MACF1: variants seen among roughly 807,000 people sequenced by gnomAD.
The protein encoded by MACF1 is microtubule-actin cross-linking factor 1.
In MACF1, 193 loss-of-function variants were observed where a neutral mutation model predicts 854.8. The ratio of observed to expected loss-of-function variants is 0.23; its 90% CI spans 0.20 to 0.25. MACF1 has a LOEUF of 0.25. Ranked by LOEUF, MACF1 falls within the 10% of genes least tolerant of loss-of-function variation. MACF1 has a pLI of 1.00. For missense variants in MACF1, 7,722 were observed against 8,929.1 expected, an observed-to-expected ratio of 0.86 and a Z score of 5.45; for synonymous variants, 3,185 against 3,226.7, an observed-to-expected ratio of 0.99 and a Z score of 0.44.
intron 40 of MACF1, among the ~76,000 whole-genome samples, chr1:39,343,781 A>T (rs1387622336): frequency 6.6e-6 from 1 of 152,138 alleles, no homozygotes; most frequent in Non-Finnish European, 1.5e-5. Flanking sequence ...AGGCAGGGGG[A>T]GAGACTGAGG....
chr1:39,403,837 TGG>T (rs202180229), intron 58 of MACF1, among the ~76,000 whole-genome samples: 1 of 122,294 alleles, frequency 8.2e-6, no homozygotes, highest in East Asian at 2.4e-4. Context: ...TAAAAATTTT[TGG>T]GCGGGGGGGC....
chr1:39,447,233 C>G (rs748853542), intron 80 of MACF1, among the ~76,000 whole-genome samples, 199 bp from the exon 81 acceptor site: 3 of 152,210 alleles, frequency 2.0e-5, no homozygotes, highest in African/African-American at 4.8e-5. Flanking sequence ...GTACACAGTT[C>G]TTGCCCATTT....
At chr1:39,369,651 A>C (rs1649060268) in intron 50 of MACF1, among the ~76,000 whole-genome samples, 1 of 152,238 alleles carries the variant, frequency 6.6e-6, no homozygotes, top group Non-Finnish European at 1.5e-5. Flanking sequence ...AGCAATCAGC[A>C]CTTGAATTGG....
chr1:39,103,209 C>A (rs947503008), intron 2 of MACF1: 4 of 357,756 alleles, frequency 1.1e-5, no homozygotes, highest in Non-Finnish European at 2.2e-5. Flanking sequence ...ATTCTCACAG[C>A]GGACTCTTCC....
At chr1:39,377,900 A>C (rs1649859400) in intron 52 of MACF1, among the ~76,000 whole-genome samples, 2 of 151,944 alleles carry the variant, frequency 1.3e-5, no homozygotes, top group African/African-American at 4.8e-5. Flanking sequence ...GCTGTTTGAG[A>C]GGCTGAGATG....
At chr1:39,382,615 A>G (rs1037903825) in intron 56 of MACF1, among the ~76,000 whole-genome samples, 1 of 151,202 alleles carries the variant, frequency 6.6e-6, no homozygotes, top group Non-Finnish European at 1.5e-5. Context: ...GAGGCAGGAG[A>G]ATCATTTGAA....
chr1:39,123,448 T>C (rs1642772870), intron 2 of MACF1, among the ~76,000 whole-genome samples: 1 of 151,852 alleles, frequency 6.6e-6, no homozygotes, highest in South Asian at 2.1e-4. Context: ...CCTCAGATGA[T>C]CCACCCGCCT....
At chr1:39,369,959 T>C in intron 50 of MACF1, 71 bp from the exon 51 acceptor site, 1 of 1,395,420 alleles carries the variant, frequency 7.2e-7, no homozygotes, top group East Asian at 2.3e-5. Context: ...AGTCACAGAA[T>C]GAACTACTCT....
At position 39,385,847 on chromosome 1, in the gene MACF1, T is replaced by C. The variant is rs547318763; in HGVS notation, c.14262T>C (p.Ile4754=). 47 of 1,614,042 alleles carry C rather than the reference T, an allele frequency of 2.9e-5. 1 individual carries two copies. In the South Asian group the frequency reaches 4.7e-4, roughly 16 times the overall value. ...QTLCDELSVL[I]GEQYLKDELK... ...TGTGCGATGAACTCTCAGTGCTCAT[T>C]GGTGAGCAGTACCTCAAGGATGAAC... The change falls in exon 57 of 101, where the codon ATT becomes ATC. Residue 4754 remains isoleucine, a synonymous_variant. Transcript: ENST00000564288.
At chr1:39,088,089 CAGCCTCCTG>C (rs1641718902) in intron 2 of MACF1, among the ~76,000 whole-genome samples, 1 of 152,208 alleles carries the variant, frequency 6.6e-6, no homozygotes, top group Non-Finnish European at 1.5e-5. Context: ...TCTCCTGCCT[CAGCCTCCTG>C]AGCAGCTGGG....
intron 4 of MACF1, 46 bp downstream of exon 4, chr1:39,251,987 A>C: frequency 7.6e-7 from 1 of 1,311,020 alleles, no homozygotes; most frequent in Non-Finnish European, 1.0e-6. Context: ...CACTGCTGGC[A>C]CTGCAGGGCC....
rs542061824 is a variant in MACF1 at position 39,453,129 on chromosome 1, T to G, written c.20742+317T>G. ...TCACCTGCATACGCCTTTGTTTGCC[T>G]TATGTTACCAGCTTTAGGCCCTGAT... On this transcript the variant is annotated intron_variant, in intron 87 of 100. Transcript: ENST00000564288. Among the ~76,000 whole-genome samples the G allele has an allele frequency of 3.9e-5, 6 of 152,320 alleles. No homozygotes were observed. In the South Asian group the frequency reaches 1.2e-3, roughly 32 times the overall value.
chr1:39,281,014 T>C (rs1214932380), intron 6 of MACF1, among the ~76,000 whole-genome samples: 1 of 152,202 alleles, frequency 6.6e-6, no homozygotes, highest in Non-Finnish European at 1.5e-5. Flanking sequence ...ACCCTGAGTT[T>C]GGGTTAGGTG....
chr1:39,184,431 G>A (rs2148237662), intron 2 of MACF1, among the ~76,000 whole-genome samples: 1 of 152,200 alleles, frequency 6.6e-6, no homozygotes, highest in African/African-American at 2.4e-5. Context: ...TCAGATCTCA[G>A]AATTTTTTAC....
At chr1:39,399,990 T>A (rs1642415482) in intron 58 of MACF1, among the ~76,000 whole-genome samples, 1 of 152,238 alleles carries the variant, frequency 6.6e-6, no homozygotes, top group African/African-American at 2.4e-5. Context: ...TTGTGTGTCC[T>A]GAAGAAATTC....
At chr1:39,414,119 C>T in intron 58 of MACF1, 1 of 1,608,320 alleles carries the variant, frequency 6.2e-7, no homozygotes, top group Non-Finnish European at 8.5e-7. Flanking sequence ...TCCCCAGCAG[C>T]TGCAGTGTCC....
At chr1:39,446,753 CTG>C (rs1052089202) in intron 80 of MACF1, among the ~76,000 whole-genome samples, 7 of 144,638 alleles carry the variant, frequency 4.8e-5, no homozygotes, top group South Asian at 4.4e-4. Context: ...CTTATGAACT[CTG>C]TGGGATTGAA....
In MACF1 at chr1:39,300,198, A is replaced by C. The variant is rs1467666055; in HGVS notation, c.2482-12A>C. The C allele has an allele frequency of 1.2e-6, 2 of 1,609,492 alleles. No homozygotes were observed. Among genetic ancestry groups the C allele is most frequent in the South Asian group, 2.2e-5 (2 of 90,274 alleles). Reference sequence around the variant, plus strand: ...GCATTAATGTCATTTTGTTTTTCTTATCATTTTGTAGGATGAAAAGGAGCA... The same window carrying C: ...GCATTAATGTCATTTTGTTTTTCTTCTCATTTTGTAGGATGAAAAGGAGCA... On this transcript the variant is annotated splice_polypyrimidine_tract_variant and intron_variant, in intron 21 of 100. Coordinates refer to ENST00000564288, the MANE Select transcript of MACF1 (RefSeq NM_001394062.1).
At chr1:39,174,222 T>G (rs1037159501) in intron 2 of MACF1, among the ~76,000 whole-genome samples, 2 of 152,196 alleles carry the variant, frequency 1.3e-5, no homozygotes, top group Admixed American at 1.3e-4. Flanking sequence ...CTTAGTGTGA[T>G]TTGGGGCATG....
Sources: gnomAD v4.1 joint callset for allele counts (sites outside exome capture counted in the v4.1 genomes callset) on GRCh38, gnomAD v4.1.1 for gene constraint, MANE v1.5 for transcripts, NCBI Gene and HGNC (gene_info 2026-07-23, HGNC 2026-07-21) for gene names.